TMPRSS6: variants seen among roughly 807,000 people sequenced by gnomAD.
The protein encoded by TMPRSS6 is transmembrane serine protease 6.
In TMPRSS6, 67 loss-of-function variants were observed where a neutral mutation model predicts 101.5. The observed-to-expected ratio is 0.66, with a 90% CI of 0.54 to 0.81. The LOEUF (loss-of-function observed/expected upper bound fraction) is 0.81, where lower values mean the gene tolerates loss of function less well. Among genes scored for constraint, TMPRSS6 ranks in the 30% least tolerant of loss-of-function variants. TMPRSS6 has a pLI of 0.00. For missense variants in TMPRSS6, 1,034 were observed against 1,088.7 expected, an observed-to-expected ratio of 0.95 and a Z score of 0.71; for synonymous variants, 453 against 464.9, an observed-to-expected ratio of 0.97 and a Z score of 0.33.
At chr22:37,099,643 A>G (rs1041359258) in intron 2 of TMPRSS6, among the ~76,000 whole-genome samples, 1 of 152,224 alleles carries the variant, frequency 6.6e-6, no homozygotes, top group Non-Finnish European at 1.5e-5. Flanking sequence ...TAGACTAGCA[A>G]GGAATCAGAC....
intron 8 of TMPRSS6, 115 bp downstream of exon 8, chr22:37,086,167 TC>T (rs1928741721): frequency 7.0e-7 from 1 of 1,425,456 alleles, no homozygotes; most frequent in Admixed American, 1.8e-5. Flanking sequence ...TCCAGAATCT[TC>T]CCTCTCCCCA....
rs1427767560 is a variant in TMPRSS6, at chr22:37,069,104, C to CCAGCAGTG, written c.2074_2081dup (p.Trp694CysfsTer28). 1.9e-6 allele frequency: 3 copies of CCAGCAGTG among 1,555,506 alleles called. No homozygotes were observed. In the African/African-American group the frequency reaches 4.1e-5, roughly 21 times the overall value. ...CGCGCAAGGCGCCCCAGCCCGTAAT[C>CCAGCAGTG]CAGCAGTGCAGGCCGGGCTCGAAGA... On this transcript the variant is annotated frameshift_variant, in exon 16 of 18. Coordinates refer to ENST00000676104, the MANE Select transcript of TMPRSS6 (RefSeq NM_001374504.1). LOFTEE classifies it high-confidence loss of function. The surrounding 1 kb of genome is among the most constrained non-coding windows in gnomAD (Gnocchi z 4.8).
intron 2 of TMPRSS6, among the ~76,000 whole-genome samples, chr22:37,102,036 CA>C (rs1930359640): frequency 7.1e-6 from 1 of 141,394 alleles, no homozygotes; most frequent in Non-Finnish European, 1.6e-5. Context: ...ATGCTGGTTC[CA>C]GACACTCCCA....
In TMPRSS6 at chr22:37,075,151, C is replaced by T. The variant is rs201567954; in HGVS notation, c.1326G>A (p.Leu442=). Residue 442 remains leucine (L), a synonymous_variant, in exon 11 of 18, where the codon TTG becomes TTA. Transcript: ENST00000676104. ...TGPGVRVHYG[L]YNQSDPCPGE... ...CATACTCACGGTCCGACTGGTTGTA[C>T]AAGCCATAGTGCACCCGCACACCGG... 2 of 1,613,078 alleles carry T rather than the reference C, an allele frequency of 1.2e-6. No homozygotes were observed. The highest frequency in any genetic ancestry group is 1.7e-6 in the Non-Finnish European group (2 of 1,179,990).
chr22:37,085,095 G>A lies in TMPRSS6; in HGVS notation c.974-256C>T, dbSNP rs1056448015. ...CTGGCATGTAGTAAGTGCTCGATCC[G>A]TGTTAGTTATTGATATTTGCGGGAC... On this transcript the variant is annotated intron_variant, in intron 8 of 17. Transcript: ENST00000676104. Among the ~76,000 whole-genome samples the A allele has an allele frequency of 4.6e-5, 7 of 152,180 alleles. No individual in the cohort carries two copies. In the East Asian group the frequency reaches 9.6e-4, roughly 21 times the overall value.
At chr22:37,106,176 G>T (rs1192344311) in intron 1 of TMPRSS6, among the ~76,000 whole-genome samples, 2 of 152,138 alleles carry the variant, frequency 1.3e-5, no homozygotes. Context: ...AGGTTGAGCA[G>T]CTTGGCTAAG....
Position 37,069,345 on chromosome 22 carries a change from C to G in TMPRSS6, c.1842-1G>C, listed in dbSNP as rs1345386523. ...GGTCCACAGCACCGTGGAGGCCATG[C>G]TGGGGTGGGGTGGGGTGGGGTGGGG... On this transcript the variant is annotated splice_acceptor_variant, in intron 15 of 17. Coordinates refer to ENST00000676104, the MANE Select transcript of TMPRSS6 (RefSeq NM_001374504.1). LOFTEE classifies it high-confidence loss of function. The surrounding 1 kb of genome is among the most constrained non-coding windows in gnomAD (Gnocchi z 4.8). 12 of 418,478 alleles carry G rather than the reference C, an allele frequency of 2.9e-5. No homozygotes were observed. The African/African-American group carries it at 3.3e-4, about 11-fold the overall frequency. The allele number at this position is 418,478 out of a possible 1,614,324, so 25.9% of individuals were successfully genotyped here.
At chr22:37,090,797 A>C (rs905219866) in intron 6 of TMPRSS6, among the ~76,000 whole-genome samples, 1 of 152,180 alleles carries the variant, frequency 6.6e-6, no homozygotes, top group African/African-American at 2.4e-5. Flanking sequence ...TTGAATGCCC[A>C]GCACAGCACC....
chr22:37,073,661 G>A lies in TMPRSS6; in HGVS notation c.1442-16C>T, dbSNP rs1382719667. On this transcript the variant is annotated splice_polypyrimidine_tract_variant and intron_variant, in intron 12 of 17. Transcript: ENST00000676104. ...GCTCTGCAAACTGTGTGGGGACACA[G>A]AGAGGGGACAGGTGGGAGGAAGCCA... The A allele has an allele frequency of 2.5e-6, 4 of 1,588,076 alleles. No homozygotes were observed. Among genetic ancestry groups the A allele is most frequent in the Non-Finnish European group, 3.5e-6 (4 of 1,156,310 alleles).
At chr22:37,092,985 G>A (rs1929405790) in intron 6 of TMPRSS6, among the ~76,000 whole-genome samples, 1 of 152,202 alleles carries the variant, frequency 6.6e-6, no homozygotes, top group African/African-American at 2.4e-5. Context: ...CTGGTGTTAT[G>A]AGAATCTGTT....
intron 8 of TMPRSS6, among the ~76,000 whole-genome samples, chr22:37,085,563 C>A (rs1024985293): frequency 6.6e-6 from 1 of 152,218 alleles, no homozygotes; most frequent in African/African-American, 2.4e-5. Flanking sequence ...CCATCCTCCC[C>A]TCCTGAGCTC....
intron 10 of TMPRSS6, among the ~76,000 whole-genome samples, chr22:37,080,513 A>T (rs1200177685): frequency 1.3e-5 from 2 of 152,224 alleles, no homozygotes; most frequent in Non-Finnish European, 2.9e-5. Flanking sequence ...TGTCTTTGCC[A>T]CCCACACAAG....
At chr22:37,076,301 CCA>C (rs1927666176) in intron 10 of TMPRSS6, among the ~76,000 whole-genome samples, 2 of 152,136 alleles carry the variant, frequency 1.3e-5, no homozygotes, top group Admixed American at 6.5e-5. Flanking sequence ...GAGGGAAGGA[CCA>C]GTCCTTCTCC....
intron 7 of TMPRSS6, among the ~76,000 whole-genome samples, chr22:37,088,563 C>G (rs947129637): frequency 2.0e-5 from 3 of 152,174 alleles, no homozygotes; most frequent in African/African-American, 7.2e-5. Flanking sequence ...GTGGGAGGAC[C>G]AGGCTCCCAG....
chr22:37,094,778 T>A (rs2146146956), intron 6 of TMPRSS6, among the ~76,000 whole-genome samples: 1 of 152,112 alleles, frequency 6.6e-6, no homozygotes, highest in East Asian at 1.9e-4. Flanking sequence ...TAAGGAAAGG[T>A]ATAACAAGGA....
At chr22:37,102,494 A>G (rs374870950) in intron 2 of TMPRSS6, among the ~76,000 whole-genome samples, 2 of 152,246 alleles carry the variant, frequency 1.3e-5, no homozygotes, top group South Asian at 4.1e-4. Flanking sequence ...AATCTTAGAG[A>G]AAGATAATAG....
At position 37,069,713 on chromosome 22, in the gene TMPRSS6, T is replaced by C. The variant is rs1926707251; in HGVS notation, c.1842-369A>G. 6.6e-6 allele frequency among the ~76,000 whole-genome samples: 1 copy of C among 152,238 alleles called. No individual in the cohort carries two copies. Among genetic ancestry groups the C allele is most frequent in the African/African-American group, 2.4e-5 (1 of 41,464 alleles). On this transcript the variant is annotated intron_variant, in intron 15 of 17. Transcript: ENST00000676104. The surrounding 1 kb of genome is among the most constrained non-coding windows in gnomAD (Gnocchi z 4.8). The stretch of plus-strand genomic sequence containing the variant: ...CCAGGCCCCCGACACAGATTTCTTT[T>C]TTCCTGTGTGCTTTACAGACCCAGG...
At chr22:37,081,148 C>G (rs1017496656) in intron 10 of TMPRSS6, among the ~76,000 whole-genome samples, 7 of 152,256 alleles carry the variant, frequency 4.6e-5, no homozygotes, top group Admixed American at 3.3e-4. Context: ...CTGAAAGAGC[C>G]AGCACCATAA....
intron 13 of TMPRSS6, among the ~76,000 whole-genome samples, chr22:37,073,152 ATGGG>A (rs1398694795): frequency 8.3e-6 from 1 of 120,710 alleles, no homozygotes; most frequent in East Asian, 2.7e-4. Flanking sequence ...GGGTGGGTAG[ATGGG>A]TGGGTGGATG....
Sources: allele counts gnomAD v4.1 joint callset (sites outside exome capture counted in the v4.1 genomes callset), GRCh38; gene constraint gnomAD v4.1.1; non-coding constraint Gnocchi (gnomAD v3.1); transcripts MANE v1.5; gene names NCBI Gene and HGNC (gene_info 2026-07-23, HGNC 2026-07-21).